Variants in NNT observed in about 807,000 individuals in gnomAD.
NNT encodes NAD(P) transhydrogenase, mitochondrial.
A neutral mutation model predicts 104.8 loss-of-function variants in NNT; 50 were observed. The ratio of observed to expected loss-of-function variants is 0.48; its 90% CI spans 0.38 to 0.60. The LOEUF (loss-of-function observed/expected upper bound fraction) is 0.60. NNT is among the 20% of genes least tolerant of loss of function. NNT has a pLI of 0.00. For missense variants in NNT, 1,131 were observed against 1,330.7 expected (o/e 0.85, Z 2.33); for synonymous variants, 461 against 490.4 (o/e 0.94, Z 0.79).
chr5:43,620,304 C>T (rs562613865), intron 5 of NNT, among the ~76,000 whole-genome samples: 1 of 152,126 alleles, frequency 6.6e-6, no homozygotes, highest in Non-Finnish European at 1.5e-5. Flanking sequence ...ACTGCAAGCT[C>T]CACCTCCCGG....
At chr5:43,690,152 C>T (rs1304521382) in intron 19 of NNT, among the ~76,000 whole-genome samples, 4 of 152,100 alleles carry the variant, frequency 2.6e-5, no homozygotes, top group African/African-American at 9.7e-5. Context: ...ATCCAAATAA[C>T]ACCTAGTAAA....
chr5:43,677,129 G>A (rs1741454896), intron 18 of NNT, among the ~76,000 whole-genome samples: 1 of 152,098 alleles, frequency 6.6e-6, no homozygotes, highest in Non-Finnish European at 1.5e-5. Context: ...GTGAAGATGG[G>A]ACAAGAGCCA....
At chr5:43,671,692 C>T (rs555707258) in intron 17 of NNT, among the ~76,000 whole-genome samples, 2 of 152,264 alleles carry the variant, frequency 1.3e-5, no homozygotes, top group South Asian at 4.1e-4. Context: ...GGTAACCCGA[C>T]CTTTCTTTCT....
At chr5:43,703,949 A>G (rs1444740729) in intron 21 of NNT, among the ~76,000 whole-genome samples, 2 of 152,242 alleles carry the variant, frequency 1.3e-5, no homozygotes, top group African/African-American at 4.8e-5. Context: ...AGAAAATGGT[A>G]TACATGGTCT....
chr5:43,611,812 T>A (rs1460568922), intron 2 of NNT, among the ~76,000 whole-genome samples: 1 of 152,194 alleles, frequency 6.6e-6, no homozygotes, highest in Non-Finnish European at 1.5e-5. Flanking sequence ...ATACTCTTCA[T>A]TAAAAAATGT....
chr5:43,677,853 G>A, intron 19 of NNT, 47 bp downstream of exon 19: 1 of 1,457,406 alleles, frequency 6.9e-7, no homozygotes, highest in Non-Finnish European at 9.6e-7. Flanking sequence ...AAAGATGTGT[G>A]TGTGGAGAAA....
chr5:43,671,241 T>G (rs967000232), intron 17 of NNT, among the ~76,000 whole-genome samples: 3 of 152,226 alleles, frequency 2.0e-5, no homozygotes, highest in African/African-American at 7.2e-5. Context: ...TTATCCAATT[T>G]GCCAGTCTGT....
chr5:43,672,325 G>A lies in NNT; in HGVS notation c.2635-3186G>A, dbSNP rs149503316. Among the ~76,000 whole-genome samples the A allele has an allele frequency of 5.5e-3, 833 of 152,322 alleles. 49 individuals are homozygous for A. The East Asian group carries it at 0.14, about 26-fold the overall frequency. ...CATCCAGCTTTGTTCCATTGCTGGC[G>A]AGGAGCTGCGTTCCTTTGGAGGGGG... On this transcript the variant is annotated intron_variant, in intron 17 of 21. Coordinates refer to ENST00000344920, the MANE Select transcript of NNT (RefSeq NM_182977.3).
intron 19 of NNT, among the ~76,000 whole-genome samples, chr5:43,691,144 G>A: frequency 6.6e-6 from 1 of 150,756 alleles, no homozygotes; most frequent in Non-Finnish European, 1.5e-5. Flanking sequence ...CTGTCACCCA[G>A]GCTGGAGTGC....
chr5:43,626,788 GTA>G (rs1750387225), intron 6 of NNT, among the ~76,000 whole-genome samples: 1 of 149,944 alleles, frequency 6.7e-6, no homozygotes, highest in African/African-American at 2.4e-5. Context: ...ATACATATAT[GTA>G]TGTGTATATA....
intron 6 of NNT, among the ~76,000 whole-genome samples, chr5:43,624,505 A>G (rs545310405): frequency 4.1e-4 from 62 of 152,376 alleles, no homozygotes; most frequent in African/African-American, 1.3e-3. Context: ...GTGAATGAAT[A>G]GAAGCAAATA....
chr5:43,702,874 T>TG, intron 21 of NNT, 138 bp downstream of exon 21: 1 of 577,494 alleles, frequency 1.7e-6, no homozygotes, highest in Admixed American at 3.4e-5. Flanking sequence ...TAGGGCCCAG[T>TG]TTCCTATATC....
rs749979371 is a variant in NNT, at chr5:43,613,069, C to T, written c.313C>T (p.His105Tyr). The T allele has an allele frequency of 1.2e-6, 2 of 1,613,996 alleles. No individual in the cohort carries two copies. Among genetic ancestry groups the T allele is most frequent in the African/African-American group, 1.3e-5 (1 of 74,900 alleles). ...CGAAGCTTCCAAGTTCTCAGATGAT[C>T]ACTATAGAGTGGCAGGTGCCCAAAT... Reference protein sequence around the residue: ...AGEASKFSDDHYRVAGAQIQG... With the variant: ...AGEASKFSDDYYRVAGAQIQG... Residue 105 changes from histidine to tyrosine, a missense_variant, in exon 3 of 22, where the codon CAC (histidine) becomes TAC (tyrosine). By Grantham distance (83) the His-to-Tyr change is moderately conservative. Coordinates refer to ENST00000344920, the MANE Select transcript of NNT (RefSeq NM_182977.3).
At chr5:43,611,154 C>G (rs1166484952) in intron 2 of NNT, among the ~76,000 whole-genome samples, 5 of 132,072 alleles carry the variant, frequency 3.8e-5, no homozygotes, top group African/African-American at 1.4e-4. Flanking sequence ...GTGATCCAAA[C>G]AGGGTCCACA....
At chr5:43,653,970 A>T (rs10051937) in intron 14 of NNT, among the ~76,000 whole-genome samples, 11,992 of 150,876 alleles carry the variant, frequency 0.079, 628 homozygotes, top group African/African-American at 0.15. Context: ...AAAAAAAAAA[A>T]TTTTTTTTCC....
chr5:43,615,452 A>G (rs1054473803), intron 3 of NNT, among the ~76,000 whole-genome samples: 40 of 152,342 alleles, frequency 2.6e-4, no homozygotes, highest in African/African-American at 9.4e-4. Flanking sequence ...ATCTTGCTTG[A>G]AGGATTGAAC....
At chr5:43,661,371 G>A (rs1423490698) in intron 17 of NNT, among the ~76,000 whole-genome samples, 1 of 151,434 alleles carries the variant, frequency 6.6e-6, no homozygotes, top group Non-Finnish European at 1.5e-5. Context: ...TTAAACTTGC[G>A]GTTTGTCAGA....
chr5:43,656,603 A>G (rs1478034199), intron 15 of NNT, 50 bp from the exon 16 acceptor site: 12 of 1,502,592 alleles, frequency 8.0e-6, no homozygotes, highest in Non-Finnish European at 9.9e-6. Flanking sequence ...AACTTTATGT[A>G]TTTTCTTACA....
rs757281106 is a variant in NNT at position 43,615,870 on chromosome 5, C to T, written c.404C>T (p.Pro135Leu). 5 of 1,613,460 alleles carry T rather than the reference C, an allele frequency of 3.1e-6. No individual in the cohort carries two copies. The South Asian group carries it at 5.5e-5, about 18-fold the overall frequency. Residue 135 changes from proline (P) to leucine (L), a missense_variant, in exon 4 of 22, where the codon CCA becomes CTA. Physicochemically the swap from Pro to Leu is moderately conservative, Grantham distance 98. Transcript: ENST00000344920. Reference sequence around the variant, plus strand: ...CAGGTGCGAGCCCCTATGGTTAATCCAACATTAGGTGTTCATGAAGCTGAC... The same window carrying T: ...CAGGTGCGAGCCCCTATGGTTAATCTAACATTAGGTGTTCATGAAGCTGAC... ...VVKVRAPMVN[P>L]TLGVHEADLL...
Sources: gnomAD v4.1 joint callset for allele counts (sites outside exome capture counted in the v4.1 genomes callset) on GRCh38, gnomAD v4.1.1 for gene constraint, MANE v1.5 for transcripts, NCBI Gene and HGNC (gene_info 2026-07-23, HGNC 2026-07-21) for gene names.